Variants in NRF1 observed in about 807,000 individuals in gnomAD.
NRF1 encodes nuclear respiratory factor 1, also known as alpha palindromic-binding protein.
NRF1 carries 5 observed loss-of-function variants against 58.5 expected under a neutral mutation model. The ratio of observed to expected loss-of-function variants is 0.09; its 90% confidence interval spans 0.04 to 0.18. NRF1 has a LOEUF of 0.18. Ranked by LOEUF, NRF1 falls within the 10% of genes least tolerant of loss-of-function variation. The pLI is 1.00. For synonymous variants in NRF1, 224 were observed against 246.7 expected, an observed-to-expected ratio of 0.91 and a Z score of 0.86; for missense variants, 288 against 657.7, an observed-to-expected ratio of 0.44 and a Z score of 6.15.
At chr7:129,752,256 A>G (rs974827314) in intron 10 of NRF1, among the ~76,000 whole-genome samples, 2 of 152,088 alleles carry the variant, frequency 1.3e-5, no homozygotes, top group African/African-American at 4.8e-5. Context: ...AAGGAGGGAA[A>G]GCTCACCCCA....
rs112681617 is a variant in NRF1 at position 129,711,537 on chromosome 7, C to T, written c.1026C>T (p.Thr342=). 2.9e-5 allele frequency: 47 copies of T among 1,612,462 alleles called. No individual in the cohort carries two copies. The highest frequency in any genetic ancestry group is 1.1e-4 in the East Asian group (5 of 44,836). ...CTTCAGAATTGCCAACCACGGTCACCGTTGCCCAAGTGAATTATTCTGCCG... is the reference window on the plus strand; with the variant it reads ...CTTCAGAATTGCCAACCACGGTCACTGTTGCCCAAGTGAATTATTCTGCCG... ...ADASELPTTV[T]VAQVNYSAVA... Residue 342 remains threonine (T), a synonymous_variant, in exon 8 of 11, where the codon ACC becomes ACT. Transcript: ENST00000393232.
chr7:129,629,738 ACT>A (rs929880138), intron 1 of NRF1, among the ~76,000 whole-genome samples: 14 of 152,144 alleles, frequency 9.2e-5, no homozygotes, highest in African/African-American at 3.1e-4. Context: ...AATAATATTT[ACT>A]CTCATCAAGC....
At chr7:129,713,632 T>G (rs922023910) in intron 8 of NRF1, among the ~76,000 whole-genome samples, 8 of 152,190 alleles carry the variant, frequency 5.3e-5, no homozygotes, top group African/African-American at 1.9e-4. Flanking sequence ...TAAAAGATAA[T>G]AAAGACTCCC....
intron 1 of NRF1, among the ~76,000 whole-genome samples, chr7:129,634,029 TAAAA>T (rs34010272): frequency 2.1e-4 from 23 of 110,778 alleles, no homozygotes; most frequent in East Asian, 8.1e-4. Context: ...CATCTGTATT[TAAAA>T]AAAAAAAAAG....
chr7:129,625,807 G>T (rs1472344312), intron 1 of NRF1, among the ~76,000 whole-genome samples: 4 of 144,194 alleles, frequency 2.8e-5, no homozygotes, highest in Non-Finnish European at 4.5e-5. Context: ...TCAGCCTCCC[G>T]AGTAGCTGGG....
intron 10 of NRF1, among the ~76,000 whole-genome samples, chr7:129,737,687 A>G (rs1283892872): frequency 6.6e-6 from 1 of 152,124 alleles, no homozygotes; most frequent in African/African-American, 2.4e-5. Context: ...TCTCCCCAAA[A>G]AGGTTGCTGA....
chr7:129,725,158 A>T (rs1359767128), intron 9 of NRF1, among the ~76,000 whole-genome samples: 2 of 152,200 alleles, frequency 1.3e-5, no homozygotes, highest in Non-Finnish European at 2.9e-5. Flanking sequence ...TTAAAGTTCC[A>T]GTTTTACAAG....
chr7:129,681,048 T>G (rs1802295670), intron 4 of NRF1, among the ~76,000 whole-genome samples: 1 of 152,136 alleles, frequency 6.6e-6, no homozygotes, highest in Non-Finnish European at 1.5e-5. Flanking sequence ...ATGGGGAGAT[T>G]ATTCTCGATT....
At position 129,729,950 on chromosome 7, in the gene NRF1, G is replaced by A. The variant is rs143015562; in HGVS notation, c.1348+2585G>A. ...CTTCCTGGAAGTTCCAATGATTCTC[G>A]TGCCTCAGCCTCCCGAGTAGCTGGG... On this transcript the variant is annotated intron_variant, in intron 10 of 10. Transcript: ENST00000393232. Among the ~76,000 whole-genome samples the A allele has an allele frequency of 5.9e-3, 899 of 152,150 alleles. 38 individuals are homozygous for A. Among genetic ancestry groups the A allele is most frequent in the Admixed American group, 0.051 (781 of 15,292 alleles).
chr7:129,709,190 C>A lies in NRF1; in HGVS notation c.722C>A (p.Ala241Glu). Residue 241 changes from alanine (A) to glutamate (E), a missense_variant, in exon 6 of 11, where the codon GCA becomes GAA. Transcript: ENST00000393232. ...PIWWPEDIPW[A>E]NVRSDVRTEE... ...TGGTGGCCTGAAGATATCCCCTGGG[C>A]AAATGTCCGGAGTGATGTCCGCACA... The A allele has an allele frequency of 6.3e-7, 1 of 1,582,182 alleles. No individual in the cohort carries two copies. The highest frequency in any genetic ancestry group is 8.6e-7 in the Non-Finnish European group (1 of 1,162,506).
At chr7:129,703,438 G>A (rs958584746) in intron 5 of NRF1, among the ~76,000 whole-genome samples, 1 of 152,150 alleles carries the variant, frequency 6.6e-6, no homozygotes, top group African/African-American at 2.4e-5. Context: ...TAATTCAACT[G>A]GTAATGAGAG....
chr7:129,673,634 G>A (rs1056174166), intron 3 of NRF1, among the ~76,000 whole-genome samples: 6 of 145,952 alleles, frequency 4.1e-5, no homozygotes, highest in Admixed American at 1.4e-4. Flanking sequence ...GGAGAATGGC[G>A]TGAACCCGGG....
intron 5 of NRF1, among the ~76,000 whole-genome samples, chr7:129,703,244 C>A (rs1802874825): frequency 6.6e-6 from 1 of 152,132 alleles, no homozygotes; most frequent in Non-Finnish European, 1.5e-5. Context: ...TTAGGCCCAC[C>A]TAGAGCCCTA....
chr7:129,656,726 C>A (rs1440898514), intron 1 of NRF1, among the ~76,000 whole-genome samples: 1 of 152,144 alleles, frequency 6.6e-6, no homozygotes, highest in Non-Finnish European at 1.5e-5. Flanking sequence ...AGGCGCCCAC[C>A]ACCACGCCTG....
intron 10 of NRF1, among the ~76,000 whole-genome samples, chr7:129,752,062 T>A (rs1804130336): frequency 6.6e-6 from 1 of 152,182 alleles, no homozygotes; most frequent in African/African-American, 2.4e-5. Context: ...CTTCATACTG[T>A]GAGGAACATG....
chr7:129,698,813 T>C (rs1343032876), intron 5 of NRF1, among the ~76,000 whole-genome samples: 2 of 152,216 alleles, frequency 1.3e-5, no homozygotes, highest in East Asian at 1.9e-4. Flanking sequence ...ATTCAAGGAA[T>C]TGCATAGCTT....
intron 3 of NRF1, 68 bp downstream of exon 3, chr7:129,671,611 A>T (rs1802049364): frequency 9.4e-6 from 8 of 850,284 alleles, no homozygotes; most frequent in Non-Finnish European, 1.6e-5. Context: ...GACTTAGAAC[A>T]TATGTGATTA....
chr7:129,676,780 T>C (rs1364598498), intron 3 of NRF1, among the ~76,000 whole-genome samples: 3 of 152,186 alleles, frequency 2.0e-5, no homozygotes, highest in Non-Finnish European at 2.9e-5. Context: ...CCACAAACCT[T>C]TAATTTGTTT....
intron 10 of NRF1, among the ~76,000 whole-genome samples, chr7:129,753,013 G>A (rs957464979): frequency 6.6e-6 from 1 of 152,164 alleles, no homozygotes; most frequent in Non-Finnish European, 1.5e-5. Context: ...ATAACAGCAA[G>A]TCTCATTTCA....
Sources: gnomAD v4.1 joint callset for allele counts (sites outside exome capture counted in the v4.1 genomes callset) on GRCh38, gnomAD v4.1.1 for gene constraint, MANE v1.5 for transcripts, NCBI Gene and HGNC (gene_info 2026-07-23, HGNC 2026-07-21) for gene names.